PPCDC: variants seen among roughly 807,000 people sequenced by gnomAD.
PPCDC encodes the protein phosphopantothenoylcysteine decarboxylase.
Under a neutral mutation model 20.7 loss-of-function variants are expected in PPCDC, and 20 were observed. The observed-to-expected ratio is 0.97, with a 90% CI of 0.68 to 1.41. PPCDC has a LOEUF of 1.41. PPCDC is among the 40% of genes most tolerant of loss of function. The pLI, the probability that PPCDC is intolerant of heterozygous loss-of-function variation, is 0.00. For synonymous variants in PPCDC, 88 were observed against 100.3 expected (o/e 0.88, Z 0.73); for missense variants, 246 against 263.8 (o/e 0.93, Z 0.47).
intron 2 of PPCDC, among the ~76,000 whole-genome samples, chr15:75,041,467 C>T (rs771608655): frequency 6.6e-6 from 1 of 151,870 alleles, no homozygotes; most frequent in Non-Finnish European, 1.5e-5. Flanking sequence ...CTGTCTCTAC[C>T]GAAAATACAA....
chr15:75,048,496 G>A, intron 4 of PPCDC, 57 bp from the exon 5 acceptor site: 2 of 1,578,590 alleles, frequency 1.3e-6, no homozygotes, highest in South Asian at 1.2e-5. Context: ...CTGGAGGGCG[G>A]TGGGGAGGGT....
intron 1 of PPCDC, among the ~76,000 whole-genome samples, chr15:75,024,634 G>A (rs2065941059): frequency 6.6e-6 from 1 of 151,372 alleles, no homozygotes; most frequent in Admixed American, 6.6e-5. Flanking sequence ...GATTACAGGT[G>A]TGAGCCACCA....
In PPCDC at chr15:75,023,625, G is replaced by C. The variant is rs1322618019; in HGVS notation, c.-74G>C. 1 of 152,364 alleles carries C rather than the reference G, an allele frequency of 6.6e-6. No individual in the cohort carries two copies. The highest frequency in any genetic ancestry group is 1.5e-5 in the Non-Finnish European group (1 of 68,118). 9.4% of individuals were successfully genotyped at this position (152,364 alleles called of 1,614,324 possible). On this transcript the variant is annotated splice_region_variant and 5_prime_UTR_variant, in exon 1 of 6. Coordinates refer to ENST00000342932, the MANE Select transcript of PPCDC (RefSeq NM_021823.5). ...AGCGGCCCCGAGACGCGCCTGGCGC[G>C]GGTGAGCAGTGGAAGGGGGCTGGGA...
intron 1 of PPCDC, among the ~76,000 whole-genome samples, chr15:75,026,023 G>T (rs1368509751): frequency 6.6e-6 from 1 of 152,138 alleles, no homozygotes; most frequent in Non-Finnish European, 1.5e-5. Flanking sequence ...CTGTATTTCG[G>T]ACTATAGTGC....
intron 2 of PPCDC, among the ~76,000 whole-genome samples, chr15:75,032,043 G>T (rs1475169784): frequency 1.3e-5 from 2 of 152,216 alleles, no homozygotes; most frequent in African/African-American, 4.8e-5. Context: ...GCAGATAAGA[G>T]AAGTTCAGAG....
chr15:75,043,204 C>T, intron 2 of PPCDC: 1 of 455,682 alleles, frequency 2.2e-6, no homozygotes, highest in Non-Finnish European at 3.9e-6. Flanking sequence ...TGACTCATTC[C>T]TCAGCAGCCC....
intron 2 of PPCDC, among the ~76,000 whole-genome samples, chr15:75,035,125 A>G (rs1369879757): frequency 6.6e-6 from 1 of 152,170 alleles, no homozygotes; most frequent in Non-Finnish European, 1.5e-5. Flanking sequence ...ACCCTACGGC[A>G]CAGGTAGGGC....
intron 2 of PPCDC, among the ~76,000 whole-genome samples, chr15:75,039,188 T>G (rs1477134276): frequency 6.6e-6 from 1 of 152,216 alleles, no homozygotes; most frequent in Non-Finnish European, 1.5e-5. Flanking sequence ...GCCAGGGACT[T>G]GGTACTCATC....
intron 2 of PPCDC, among the ~76,000 whole-genome samples, chr15:75,041,260 C>A (rs993639186): frequency 2.6e-5 from 4 of 152,172 alleles, no homozygotes; most frequent in African/African-American, 4.8e-5. Flanking sequence ...GCTCATTTGC[C>A]ATCTTACTCA....
In PPCDC at chr15:75,050,258, C is replaced by G. The variant is rs1395687993; in HGVS notation, c.*1023C>G. The G allele has an allele frequency of 6.6e-6, 1 of 152,218 alleles. No homozygotes were observed. Among genetic ancestry groups the G allele is most frequent in the Non-Finnish European group, 1.5e-5 (1 of 68,046 alleles). 9.4% of individuals were successfully genotyped at this position (152,218 alleles called of 1,614,324 possible). A position where few individuals can be genotyped will look rare whatever the true frequency, so the allele number is the denominator to read the frequency against. ...GGAGGGTTGACCCTGCCCTGGGTCC[C>G]AGGCCTCTTGCCTGCTTCTTGGTTT... On this transcript the variant is annotated 3_prime_UTR_variant, in exon 6 of 6. Coordinates refer to ENST00000342932, the MANE Select transcript of PPCDC (RefSeq NM_021823.5).
chr15:75,024,676 CTT>C (rs35831714), intron 1 of PPCDC, among the ~76,000 whole-genome samples: 19 of 139,926 alleles, frequency 1.4e-4, no homozygotes, highest in Admixed American at 2.9e-4. Flanking sequence ...TTTTTCTTTT[CTT>C]TTTTTTTTTT....
Position 75,048,861 on chromosome 15 carries a change from A to G in PPCDC, c.529+140A>G, listed in dbSNP as rs932160846. 4 of 1,214,324 alleles carry G rather than the reference A, an allele frequency of 3.3e-6. No homozygotes were observed. In the Admixed American group the frequency reaches 1.1e-4, roughly 34 times the overall value. The allele number at this position is 1,214,324 out of a possible 1,614,324, so 75.2% of individuals were successfully genotyped here. ...TAGCTTTCTCAGCTGGAAAATGGGA[A>G]TCGTAATTCCTGCCTCCAGATTGGT... On this transcript the variant is annotated intron_variant, in intron 5 of 5. Coordinates refer to ENST00000342932, the MANE Select transcript of PPCDC (RefSeq NM_021823.5).
At chr15:75,027,838 A>G (rs1364277111) in intron 1 of PPCDC, among the ~76,000 whole-genome samples, 1 of 152,038 alleles carries the variant, frequency 6.6e-6, no homozygotes, top group Non-Finnish European at 1.5e-5. Context: ...CCTCACTAGT[A>G]AGCCACTCCC....
rs2066145031 is a variant in PPCDC at position 75,040,895 on chromosome 15, C to G, written c.136-2546C>G. ...CCCAGGCTGGTGTTGAACTCCTGGG[C>G]TCAAGCAGTCTGCCTGTCTCGGCCT... On this transcript the variant is annotated intron_variant, in intron 2 of 5. Transcript: ENST00000342932. 3.3e-5 allele frequency among the ~76,000 whole-genome samples: 5 copies of G among 152,178 alleles called. No homozygotes were observed. The South Asian group carries it at 1.0e-3, about 31-fold the overall frequency.
In PPCDC at chr15:75,049,263, CTG is replaced by C. The variant is rs747817577; in HGVS notation, c.*30_*31del. The C allele has an allele frequency of 1.9e-6, 3 of 1,603,082 alleles. No individual in the cohort carries two copies. The highest frequency in any genetic ancestry group is 2.6e-6 in the Non-Finnish European group (3 of 1,170,092). On this transcript the variant is annotated 3_prime_UTR_variant, in exon 6 of 6. Coordinates refer to ENST00000342932, the MANE Select transcript of PPCDC (RefSeq NM_021823.5). Reference sequence around the variant, plus strand: ...TGGGATTTCTGTCATGGGTGTCCCTCTGTACTCAGAATGGGTTCAGGCCAAGT... The same window carrying C: ...TGGGATTTCTGTCATGGGTGTCCCTCTACTCAGAATGGGTTCAGGCCAAGT...
At chr15:75,027,809 A>AC (rs2065975023) in intron 1 of PPCDC, among the ~76,000 whole-genome samples, 1 of 148,312 alleles carries the variant, frequency 6.7e-6, no homozygotes, top group African/African-American at 2.5e-5. Flanking sequence ...CCCCTCTACC[A>AC]CCCCCCATCA....
chr15:75,044,425 C>A lies in PPCDC; in HGVS notation c.271C>A (p.Leu91Met), dbSNP rs772964563. ...SRSDPVLHID[L>M]RRWADLLLVA... ...CTCTGACCCAGTTCTGCACATTGAC[C>A]TGCGGAGGTGGGCAGACCTCCTGCT... The change falls in exon 4 of 6, where the codon CTG (leucine) becomes ATG (methionine). Residue 91 changes from leucine to methionine, a missense_variant. Leu to Met is a conservative substitution (Grantham distance 15). Around this residue, in one of 2 missense-constraint regions of PPCDC, gnomAD observed 225 missense variants for 222.6 expected, o/e 1.01. Transcript: ENST00000342932. 6.2e-7 allele frequency: 1 copy of A among 1,614,046 alleles called. No individual in the cohort carries two copies. Among genetic ancestry groups the A allele is most frequent in the Non-Finnish European group, 8.5e-7 (1 of 1,179,980 alleles).
chr15:75,048,444 C>T (rs2066267393), intron 4 of PPCDC, 109 bp from the exon 5 acceptor site: 2 of 1,435,644 alleles, frequency 1.4e-6, no homozygotes, highest in East Asian at 2.3e-5. Flanking sequence ...CAGGCTGTGC[C>T]CAGTCATCTC....
chr15:75,029,015 G>C (rs571326115), intron 2 of PPCDC, among the ~76,000 whole-genome samples: 2 of 152,270 alleles, frequency 1.3e-5, no homozygotes, highest in South Asian at 4.1e-4. Flanking sequence ...TCTAGCCCCC[G>C]TCCTTGGCCA....
Sources: allele counts gnomAD v4.1 joint callset (sites outside exome capture counted in the v4.1 genomes callset), GRCh38; gene constraint gnomAD v4.1.1; regional missense constraint gnomAD v4.1.1; transcripts MANE v1.5; gene names NCBI Gene and HGNC (gene_info 2026-07-23, HGNC 2026-07-21).